Variants in DENND5A observed in about 807,000 individuals in gnomAD.
DENND5A encodes DENN domain containing 5A.
A neutral mutation model predicts 140.3 loss-of-function variants in DENND5A; 64 were observed. That is an observed-to-expected ratio of 0.46 (90% confidence interval 0.37 to 0.56). The LOEUF is 0.56. Among genes scored for constraint, DENND5A ranks in the 20% least tolerant of loss-of-function variants. The pLI is 0.00. For synonymous variants in DENND5A, 605 were observed against 607.7 expected, an observed-to-expected ratio of 1.00 and a Z score of 0.07; for missense variants, 1,292 against 1,593.8, an observed-to-expected ratio of 0.81 and a Z score of 3.22.
At chr11:9,194,128 T>C (rs1394255912) in intron 4 of DENND5A, among the ~76,000 whole-genome samples, 2 of 152,352 alleles carry the variant, frequency 1.3e-5, no homozygotes, top group African/African-American at 2.4e-5. Context: ...GGAGCTTATG[T>C]GAGCTTTGCC....
chr11:9,184,598 C>T (rs1387957196), intron 5 of DENND5A, among the ~76,000 whole-genome samples: 2 of 152,182 alleles, frequency 1.3e-5, no homozygotes, highest in Non-Finnish European at 2.9e-5. Flanking sequence ...ATCCAAATCC[C>T]TCCCAAAACT....
At chr11:9,156,858 T>G (rs1439219549) in intron 12 of DENND5A, among the ~76,000 whole-genome samples, 5 of 120,248 alleles carry the variant, frequency 4.2e-5, no homozygotes, top group Admixed American at 2.5e-4. Flanking sequence ...GACAGAGGGA[T>G]GGAAGGATGG....
Position 9,241,942 on chromosome 11 carries a change from A to T in DENND5A, c.109+23019T>A, listed in dbSNP as rs891451244. Among the ~76,000 whole-genome samples the T allele has an allele frequency of 2.1e-5, 3 of 141,520 alleles. No homozygotes were observed. In the East Asian group the frequency reaches 6.7e-4, roughly 32 times the overall value. The allele number at this position is 141,520 out of a possible 152,430, so 92.8% of individuals were successfully genotyped here. A position where few individuals can be genotyped will look rare whatever the true frequency, so the allele number is the denominator to read the frequency against. ...GGCAGGAGAATCGCTTGAATCTGGG[A>T]GGTGGAGGTTGTGGTGAGCAGAGAT... On this transcript the variant is annotated intron_variant, in intron 1 of 22. Transcript: ENST00000328194.
At chr11:9,259,542 G>A (rs1054231358) in intron 1 of DENND5A, among the ~76,000 whole-genome samples, 1 of 152,116 alleles carries the variant, frequency 6.6e-6, no homozygotes, top group African/African-American at 2.4e-5. Context: ...CGCCAGCCTG[G>A]GCGACAGAGT....
At chr11:9,249,549 T>C (rs914194640) in intron 1 of DENND5A, among the ~76,000 whole-genome samples, 2 of 151,990 alleles carry the variant, frequency 1.3e-5, no homozygotes, top group African/African-American at 4.8e-5. Context: ...TTTTATTGTA[T>C]TTTATTGTAT....
intron 12 of DENND5A, among the ~76,000 whole-genome samples, chr11:9,152,873 G>A (rs1360480316): frequency 6.6e-6 from 1 of 151,696 alleles, no homozygotes; most frequent in Non-Finnish European, 1.5e-5. Context: ...ATGTGGTGGT[G>A]CATGGCTATA....
chr11:9,259,528 T>C (rs924310009), intron 1 of DENND5A, among the ~76,000 whole-genome samples: 5 of 152,148 alleles, frequency 3.3e-5, no homozygotes, highest in Non-Finnish European at 5.9e-5. Context: ...ATCGTGCCAC[T>C]GCACGCCAGC....
intron 1 of DENND5A, among the ~76,000 whole-genome samples, chr11:9,237,609 T>C (rs1247713494): frequency 6.6e-5 from 10 of 151,458 alleles, no homozygotes; most frequent in Admixed American, 6.6e-4. Flanking sequence ...TTGGGCCAGG[T>C]GCAGTGTGGC....
chr11:9,145,446 T>A (rs61217844), intron 17 of DENND5A: 12,324 of 605,508 alleles, frequency 0.02, 1,077 homozygotes, highest in African/African-American at 0.19. Context: ...GAGATGTGCA[T>A]GTCCAGACAA....
chr11:9,256,122 C>CA (rs1202965617), intron 1 of DENND5A, among the ~76,000 whole-genome samples: 1 of 151,314 alleles, frequency 6.6e-6, no homozygotes, highest in African/African-American at 2.4e-5. Flanking sequence ...GGCCTACACA[C>CA]AAAAAAAGAA....
rs1165795958 is a variant in DENND5A, at chr11:9,145,413, C to G, written c.3003+257G>C. The G allele has an allele frequency of 6.9e-6, 4 of 581,372 alleles. No individual in the cohort carries two copies. The African/African-American group carries it at 7.5e-5, about 11-fold the overall frequency. 36.0% of individuals were successfully genotyped at this position (581,372 alleles called of 1,614,324 possible). On this transcript the variant is annotated intron_variant, in intron 17 of 22. Coordinates refer to ENST00000328194, the MANE Select transcript of DENND5A (RefSeq NM_015213.4). ...GAGTAGCTGAAAGAACTCCTGGGGA[C>G]TTCTCAACACACTATGCATGGAGAG...
chr11:9,195,090 T>C (rs1271099436), intron 4 of DENND5A, among the ~76,000 whole-genome samples: 1 of 150,888 alleles, frequency 6.6e-6, no homozygotes, highest in Non-Finnish European at 1.5e-5. Flanking sequence ...TTAAAACTTT[T>C]TTTTTTTTTT....
intron 1 of DENND5A, among the ~76,000 whole-genome samples, chr11:9,243,430 G>T (rs1851329282): frequency 6.6e-6 from 1 of 152,082 alleles, no homozygotes; most frequent in Admixed American, 6.6e-5. Flanking sequence ...AACAACATGG[G>T]TTTCAACTGT....
intron 11 of DENND5A, among the ~76,000 whole-genome samples, chr11:9,162,463 T>C (rs1056087935): frequency 2.6e-5 from 4 of 151,838 alleles, no homozygotes; most frequent in Non-Finnish European, 2.9e-5. Context: ...GGTCTCAAAC[T>C]CCCGACCTCA....
At chr11:9,140,993 G>A (rs976243899) in intron 22 of DENND5A, among the ~76,000 whole-genome samples, 3 of 152,142 alleles carry the variant, frequency 2.0e-5, no homozygotes, top group Non-Finnish European at 4.4e-5. Flanking sequence ...AGGCGTGATG[G>A]CGCATGCCTG....
chr11:9,242,533 A>G (rs1851278444), intron 1 of DENND5A: 1 of 152,222 alleles, frequency 6.6e-6, no homozygotes, highest in African/African-American at 2.4e-5. Flanking sequence ...AGAAGACTTT[A>G]GAGACAGGGA....
At chr11:9,228,122 A>AAC (rs1564927383) in intron 1 of DENND5A, among the ~76,000 whole-genome samples, 1 of 151,180 alleles carries the variant, frequency 6.6e-6, no homozygotes, top group Non-Finnish European at 1.5e-5. Flanking sequence ...AAAAAAAAAA[A>AAC]AAAAAAAAAA....
chr11:9,144,198 G>A lies in DENND5A; in HGVS notation c.3203C>T (p.Ser1068Phe). The A allele has an allele frequency of 6.2e-7, 1 of 1,614,176 alleles. No individual in the cohort carries two copies. Among genetic ancestry groups the A allele is most frequent in the Non-Finnish European group, 8.5e-7 (1 of 1,180,026 alleles). Residue 1068 changes from serine (S) to phenylalanine (F), a missense_variant, in exon 19 of 23, where the codon TCC (serine) becomes TTC (phenylalanine). By Grantham distance (155) the Ser-to-Phe change is radical. Coordinates refer to ENST00000328194, the MANE Select transcript of DENND5A (RefSeq NM_015213.4). ...ERILVGELLT[S>F]QPEVDERPCR... is the part of the protein sequence containing the mutation. ...TGGCCTCTCATCCACCTCAGGCTGG[G>A]ATGTGAGCAGCTCCCCAACTAGGAT...
Position 9,227,201 on chromosome 11 carries a change from TAAATAAATAAGC to T in DENND5A, c.110-19581_110-19570del, listed in dbSNP as rs1456471086. Among the ~76,000 whole-genome samples the T allele has an allele frequency of 4.2e-3, 574 of 137,842 alleles. 6 individuals are homozygous for T. Among genetic ancestry groups the T allele is most frequent in the African/African-American group, 0.016 (486 of 30,976 alleles). The allele number at this position is 137,842 out of a possible 152,430, so 90.4% of individuals were successfully genotyped here. ...ATAAATAAATAAATAAATAAATAAA[TAAATAAATAAGC>T]AAGCAAGCACAGAGTGATATTTTCT... On this transcript the variant is annotated intron_variant, in intron 1 of 22. Coordinates refer to ENST00000328194, the MANE Select transcript of DENND5A (RefSeq NM_015213.4).
Sources: gnomAD v4.1 joint callset for allele counts (sites outside exome capture counted in the v4.1 genomes callset) on GRCh38, gnomAD v4.1.1 for gene constraint, MANE v1.5 for transcripts, NCBI Gene and HGNC (gene_info 2026-07-23, HGNC 2026-07-21) for gene names.